Variants in USP6NL observed in about 807,000 individuals in gnomAD.
The protein encoded by USP6NL is USP6 N-terminal-like protein.
Under a neutral mutation model 61.9 loss-of-function variants are expected in USP6NL, and 26 were observed. The ratio of observed to expected loss-of-function variants is 0.42; its 90% CI spans 0.31 to 0.58. The LOEUF (loss-of-function observed/expected upper bound fraction) is 0.58, where lower values mean the gene tolerates loss of function less well. USP6NL is among the 20% of genes least tolerant of loss of function. The pLI is 0.16. For missense variants in USP6NL, 1,114 were observed against 1,034.3 expected, an observed-to-expected ratio of 1.08 and a Z score of -1.06; for synonymous variants, 432 against 390.1, an observed-to-expected ratio of 1.11 and a Z score of -1.27.
Position 11,587,513 on chromosome 10 carries a change from CAG to C in USP6NL, c.4+10116_4+10117del, listed in dbSNP as rs1335427848. Among the ~76,000 whole-genome samples the C allele has an allele frequency of 6.6e-6, 1 of 152,108 alleles. No individual in the cohort carries two copies. Among genetic ancestry groups the C allele is most frequent in the Non-Finnish European group, 1.5e-5 (1 of 68,016 alleles). Reference sequence around the variant, plus strand: ...TAAATCTCTACAGCCTAATCAGAATCAGAGTCTTAAAATGTCCATTTATTCTA... The same window carrying C: ...TAAATCTCTACAGCCTAATCAGAATCAGTCTTAAAATGTCCATTTATTCTA... On this transcript the variant is annotated intron_variant, in intron 2 of 14. Transcript: ENST00000609104. This position sits in a 1 kb window ranked among gnomAD's most constrained non-coding sequence, Gnocchi z 4.5.
At chr10:11,471,204 A>C (rs941238358) in intron 14 of USP6NL, among the ~76,000 whole-genome samples, 1 of 152,154 alleles carries the variant, frequency 6.6e-6, no homozygotes, top group Non-Finnish European at 1.5e-5. Context: ...AAACAAACAA[A>C]AAAAACACCA....
chr10:11,475,838 T>C (rs750959682), intron 14 of USP6NL, among the ~76,000 whole-genome samples: 2 of 152,098 alleles, frequency 1.3e-5, no homozygotes, highest in Admixed American at 1.3e-4. Flanking sequence ...CAAAAAGATA[T>C]GATTATCGTC....
intron 7 of USP6NL, among the ~76,000 whole-genome samples, chr10:11,500,455 A>G (rs1674757813): frequency 6.6e-6 from 1 of 152,156 alleles, no homozygotes; most frequent in Admixed American, 6.5e-5. Flanking sequence ...AGATTCTTAG[A>G]TGTAAATCTC....
At chr10:11,484,093 G>A (rs1591830729) in intron 13 of USP6NL, among the ~76,000 whole-genome samples, 2 of 152,250 alleles carry the variant, frequency 1.3e-5, no homozygotes, top group East Asian at 3.9e-4. Context: ...TAATTTAGTT[G>A]GGAAGCGCAA....
At chr10:11,464,306 G>A (rs1021701838) in intron 14 of USP6NL, among the ~76,000 whole-genome samples, 1 of 152,192 alleles carries the variant, frequency 6.6e-6, no homozygotes, top group African/African-American at 2.4e-5. Context: ...AATGGTGGCC[G>A]GGATTTCGAT....
intron 2 of USP6NL, among the ~76,000 whole-genome samples, chr10:11,566,647 A>G (rs1454113434): frequency 6.6e-6 from 1 of 152,254 alleles, no homozygotes; most frequent in Non-Finnish European, 1.5e-5. Context: ...GCTTGCTGCA[A>G]TGTGGCTATT....
intron 2 of USP6NL, among the ~76,000 whole-genome samples, chr10:11,557,964 C>T (rs553758046): frequency 6.6e-6 from 1 of 152,310 alleles, no homozygotes; most frequent in South Asian, 2.1e-4. Context: ...AAAGGGAAAA[C>T]TGAAACAGTC....
Position 11,580,927 on chromosome 10 carries a change from A to G in USP6NL, c.4+16704T>C, listed in dbSNP as rs1202049707. On this transcript the variant is annotated intron_variant, in intron 2 of 14. Coordinates refer to ENST00000609104, the MANE Select transcript of USP6NL (RefSeq NM_014688.5). ...TGGATGGGGGAGGCACACAAAGGAA[A>G]AATATCAAAATCTTGTTTGGCCCTA... 3.3e-5 allele frequency among the ~76,000 whole-genome samples: 5 copies of G among 149,692 alleles called. No individual in the cohort carries two copies. The East Asian group carries it at 1.0e-3, about 30-fold the overall frequency.
chr10:11,481,688 G>T lies in USP6NL; in HGVS notation c.1078+82C>A. ...CACAAGTATAATGCTTACGCTGTGG[G>T]CAAGAAACAGCCCATGTTAATTATG... On this transcript the variant is annotated intron_variant, in intron 14 of 14. Coordinates refer to ENST00000609104, the MANE Select transcript of USP6NL (RefSeq NM_014688.5). This position sits in a 1 kb window ranked among gnomAD's most constrained non-coding sequence, Gnocchi z 4.4. The T allele has an allele frequency of 7.0e-7, 1 of 1,419,650 alleles. No individual in the cohort carries two copies. The highest frequency in any genetic ancestry group is 9.4e-7 in the Non-Finnish European group (1 of 1,064,388). The allele number at this position is 1,419,650 out of a possible 1,614,324, so 87.9% of individuals were successfully genotyped here.
At chr10:11,584,841 G>C (rs547644792) in intron 2 of USP6NL, among the ~76,000 whole-genome samples, 12 of 152,214 alleles carry the variant, frequency 7.9e-5, no homozygotes, top group African/African-American at 2.9e-4. Flanking sequence ...GAGAGGCTGA[G>C]GTGGGAGAAT....
At chr10:11,535,215 A>G (rs1835786956) in intron 2 of USP6NL, among the ~76,000 whole-genome samples, 1 of 152,158 alleles carries the variant, frequency 6.6e-6, no homozygotes, top group South Asian at 2.1e-4. Context: ...GCAAATACTC[A>G]AGCTATGGTG....
At chr10:11,546,046 T>G (rs1390018307) in intron 2 of USP6NL, among the ~76,000 whole-genome samples, 2 of 152,244 alleles carry the variant, frequency 1.3e-5, no homozygotes, top group Admixed American at 1.3e-4. Flanking sequence ...ACCATTGATC[T>G]GGTAGATCCT....
rs539998395 is a variant in USP6NL, at chr10:11,556,962, C to T, written c.5-29395G>A. On this transcript the variant is annotated intron_variant, in intron 2 of 14. Coordinates refer to ENST00000609104, the MANE Select transcript of USP6NL (RefSeq NM_014688.5). ...ACCTGGTTTTTTTATATTCCTTGCA[C>T]GCACAGATGAAAAGCCCACTGACCA... Among the ~76,000 whole-genome samples the T allele has an allele frequency of 5.9e-5, 9 of 152,144 alleles. No individual in the cohort carries two copies. The South Asian group carries it at 8.3e-4, about 14-fold the overall frequency.
In USP6NL at chr10:11,532,207, G is replaced by A. The variant is rs1835689010; in HGVS notation, c.5-4640C>T. The A allele has an allele frequency of 6.2e-7, 1 of 1,603,618 alleles. No individual in the cohort carries two copies. The highest frequency in any genetic ancestry group is 8.5e-7 in the Non-Finnish European group (1 of 1,174,528). On this transcript the variant is annotated intron_variant, in intron 2 of 14. Transcript: ENST00000609104. This position sits in a 1 kb window ranked among gnomAD's most constrained non-coding sequence, Gnocchi z 4.1. ...TGTGAGATAATCAGTCTGGCCTTGG[G>A]AATTAACAACAGCTTCAGTCCTCAT...
At position 11,560,686 on chromosome 10, in the gene USP6NL, C is replaced by T. The variant is rs996900586; in HGVS notation, c.5-33119G>A. ...AGGTAAACAAAGAAGAAAAAAAAGG[C>T]CTCCAAACAGTAAAAAATATATATA... On this transcript the variant is annotated intron_variant, in intron 2 of 14. Coordinates refer to ENST00000609104, the MANE Select transcript of USP6NL (RefSeq NM_014688.5). Among the ~76,000 whole-genome samples the T allele has an allele frequency of 8.4e-5, 12 of 143,264 alleles. No homozygotes were observed. The East Asian group carries it at 1.2e-3, about 15-fold the overall frequency. The allele number at this position is 143,264 out of a possible 152,430, so 94.0% of individuals were successfully genotyped here. A position where few individuals can be genotyped will look rare whatever the true frequency, so the allele number is the denominator to read the frequency against.
intron 14 of USP6NL, among the ~76,000 whole-genome samples, chr10:11,467,947 T>G (rs1448367937): frequency 6.6e-6 from 1 of 152,242 alleles, no homozygotes; most frequent in Non-Finnish European, 1.5e-5. Context: ...AAAAATATTT[T>G]TAGCTTATCC....
chr10:11,502,322 A>G (rs1834238599), intron 6 of USP6NL, among the ~76,000 whole-genome samples: 1 of 151,786 alleles, frequency 6.6e-6, no homozygotes, highest in Non-Finnish European at 1.5e-5. Context: ...GTGTACTGCT[A>G]TTGCCCTAAG....
chr10:11,524,775 G>A (rs2133393885), intron 4 of USP6NL, among the ~76,000 whole-genome samples: 1 of 152,238 alleles, frequency 6.6e-6, no homozygotes, highest in South Asian at 2.1e-4. Flanking sequence ...ATGAATAGAA[G>A]TCTCTAGCCT....
chr10:11,611,636 T>C lies in USP6NL; in HGVS notation c.-277A>G, dbSNP rs1021709161. The stretch of plus-strand genomic sequence containing the variant: ...CCAGGAAGTTCCCCGGCGCGACACC[T>C]CCTGCCGCCGCTATGGAAACGGCCC... On this transcript the variant is annotated 5_prime_UTR_variant, in exon 1 of 15. Coordinates refer to ENST00000609104, the MANE Select transcript of USP6NL (RefSeq NM_014688.5). The surrounding 1 kb of genome is among the most constrained non-coding windows in gnomAD (Gnocchi z 5.3). 4 of 151,918 alleles carry C rather than the reference T, an allele frequency of 2.6e-5. No individual in the cohort carries two copies. The highest frequency in any genetic ancestry group is 9.8e-5 in the African/African-American group (4 of 41,006). The allele number at this position is 151,918 out of a possible 1,614,324, so 9.4% of individuals were successfully genotyped here.
Sources: gnomAD v4.1 joint callset for allele counts (sites outside exome capture counted in the v4.1 genomes callset) on GRCh38, gnomAD v4.1.1 for gene constraint, Gnocchi (gnomAD v3.1) non-coding constraint, MANE v1.5 for transcripts, NCBI Gene and HGNC (gene_info 2026-07-23, HGNC 2026-07-21) for gene names.